Variants in AGBL4 observed in about 807,000 individuals in gnomAD.
The protein encoded by AGBL4 is AGBL carboxypeptidase 4, also known as cytosolic carboxypeptidase 6.
In AGBL4, 58 loss-of-function variants were observed where a neutral mutation model predicts 66.4. The ratio of observed to expected loss-of-function variants is 0.87; its 90% confidence interval spans 0.71 to 1.09. The LOEUF is 1.09. Ranked by LOEUF, AGBL4 falls within the 50% of genes least tolerant of loss-of-function variation. The pLI is 0.00. For missense variants in AGBL4, 579 were observed against 631.0 expected (o/e 0.92, Z 0.88); for synonymous variants, 234 against 222.9 (o/e 1.05, Z -0.44).
rs374021750 is a variant in AGBL4, at chr1:49,117,003, T to G, written c.378-71203A>C. Among the ~76,000 whole-genome samples, 22 of 152,194 alleles carry G rather than the reference T, an allele frequency of 1.4e-4. No homozygotes were observed. The East Asian group carries it at 2.3e-3, about 16-fold the overall frequency. On this transcript the variant is annotated intron_variant, in intron 4 of 13. Transcript: ENST00000371839. Reference sequence around the variant, plus strand: ...TGAGCATTTTTTCATGTGTCTGTTGTCTGCATAAATGTCTTCTTTTGAGAA... The same window carrying G: ...TGAGCATTTTTTCATGTGTCTGTTGGCTGCATAAATGTCTTCTTTTGAGAA...
chr1:49,574,501 C>G (rs1301359273), intron 3 of AGBL4, among the ~76,000 whole-genome samples: 1 of 152,134 alleles, frequency 6.6e-6, no homozygotes, highest in African/African-American at 2.4e-5. Flanking sequence ...CACTTTAGAC[C>G]TACTCATTCC....
At chr1:49,461,878 A>G (rs1215040332) in intron 3 of AGBL4, among the ~76,000 whole-genome samples, 1 of 151,748 alleles carries the variant, frequency 6.6e-6, no homozygotes, top group Non-Finnish European at 1.5e-5. Flanking sequence ...ATTGATGGGC[A>G]TTTGGGTTGG....
intron 3 of AGBL4, among the ~76,000 whole-genome samples, chr1:49,515,888 T>G: frequency 1.4e-5 from 1 of 73,264 alleles, no homozygotes; most frequent in Non-Finnish European, 2.5e-5. Context: ...GGGCCTGTTG[T>G]GGGGTGGGGG....
intron 2 of AGBL4, among the ~76,000 whole-genome samples, chr1:49,837,763 T>C (rs888328675): frequency 3.9e-5 from 6 of 152,196 alleles, no homozygotes; most frequent in African/African-American, 1.4e-4. Flanking sequence ...GAGAATGGCG[T>C]GAACCTGAGA....
chr1:49,384,387 C>T (rs777446040), intron 3 of AGBL4, among the ~76,000 whole-genome samples: 3 of 151,312 alleles, frequency 2.0e-5, no homozygotes, highest in Non-Finnish European at 4.4e-5. Context: ...AGGTCAGGAG[C>T]TCGAGACCAC....
At chr1:48,715,011 A>C (rs1304506970) in intron 6 of AGBL4, among the ~76,000 whole-genome samples, 1 of 152,258 alleles carries the variant, frequency 6.6e-6, no homozygotes, top group Non-Finnish European at 1.5e-5. Context: ...AGGAAAATAA[A>C]GCAAATAAAG....
At chr1:48,564,715 G>A (rs543971914) in intron 11 of AGBL4, among the ~76,000 whole-genome samples, 1 of 152,208 alleles carries the variant, frequency 6.6e-6, no homozygotes, top group African/African-American at 2.4e-5. Flanking sequence ...GCAGTGACAA[G>A]TGAGACAGTA....
chr1:49,530,274 A>AAAAAAAAAAAAAAAAAAAC (rs1553221141), intron 3 of AGBL4, among the ~76,000 whole-genome samples: 1 of 134,824 alleles, frequency 7.4e-6, no homozygotes, highest in Non-Finnish European at 1.5e-5. Context: ...AAAAAAAAAC[A>AAAAAAAAAAAAAAAAAAAC]AAAAAAAACT....
chr1:48,712,370 T>C (rs946706965), intron 6 of AGBL4, among the ~76,000 whole-genome samples: 1 of 152,166 alleles, frequency 6.6e-6, no homozygotes, highest in African/African-American at 2.4e-5. Flanking sequence ...TGCCCCACTC[T>C]TTGCTGCTTT....
intron 3 of AGBL4, among the ~76,000 whole-genome samples, chr1:49,285,387 T>G (rs1644380289): frequency 6.6e-6 from 1 of 151,620 alleles, no homozygotes; most frequent in Admixed American, 6.6e-5. Context: ...AGAGGGAAAT[T>G]TATAGCACTA....
intron 1 of AGBL4, among the ~76,000 whole-genome samples, chr1:49,992,443 TTAAA>T: frequency 6.6e-6 from 1 of 151,948 alleles, no homozygotes; most frequent in East Asian, 1.9e-4. Flanking sequence ...GCCTTCTCAT[TTAAA>T]TACTCAGGTT....
chr1:49,073,105 A>G (rs1013015335), intron 4 of AGBL4, among the ~76,000 whole-genome samples: 1 of 152,036 alleles, frequency 6.6e-6, no homozygotes, highest in African/African-American at 2.4e-5. Context: ...CGGGTCATTT[A>G]TGTTCTCCTC....
At chr1:48,597,692 G>GGAGAGGAGGGGAGGGGAGGA (rs1645014526) in intron 9 of AGBL4, among the ~76,000 whole-genome samples, 2 of 141,052 alleles carry the variant, frequency 1.4e-5, no homozygotes, top group Non-Finnish European at 3.1e-5. Context: ...AAAGGGGAGA[G>GGAGAGGAGGGGAGGGGAGGA]GAGAGGAGGG....
At chr1:49,043,769 T>C (rs962440243) in intron 5 of AGBL4, among the ~76,000 whole-genome samples, 24 of 152,314 alleles carry the variant, frequency 1.6e-4, no homozygotes, top group African/African-American at 5.5e-4. Context: ...TATGAAATCA[T>C]AGTGCACACA....
At position 48,935,746 on chromosome 1, in the gene AGBL4, C is replaced by A. The variant is rs867323847; in HGVS notation, c.595-68516G>T. Among the ~76,000 whole-genome samples, 20 of 150,678 alleles carry A rather than the reference C, an allele frequency of 1.3e-4. No individual in the cohort carries two copies. In the Middle Eastern group the frequency reaches 0.014, roughly 104 times the overall value. ...GCCTAGGTGGGCAGATCACTTGAGGCCAGGAGTTTGAGACCAGCCTGGCTA... is the reference window on the plus strand; with the variant it reads ...GCCTAGGTGGGCAGATCACTTGAGGACAGGAGTTTGAGACCAGCCTGGCTA... On this transcript the variant is annotated intron_variant, in intron 5 of 13. Coordinates refer to ENST00000371839, the MANE Select transcript of AGBL4 (RefSeq NM_032785.4).
intron 5 of AGBL4, among the ~76,000 whole-genome samples, chr1:48,887,520 A>G (rs980629598): frequency 2.6e-5 from 4 of 152,166 alleles, no homozygotes; most frequent in Admixed American, 6.5e-5. Flanking sequence ...TCCTAGCACA[A>G]CAACCCCATG....
At chr1:49,834,583 G>T (rs1451236970) in intron 2 of AGBL4, among the ~76,000 whole-genome samples, 1 of 152,040 alleles carries the variant, frequency 6.6e-6, no homozygotes, top group Non-Finnish European at 1.5e-5. Flanking sequence ...CTTCAGTTCT[G>T]CTCTGATCTT....
chr1:49,317,055 C>G (rs1362234741), intron 3 of AGBL4, among the ~76,000 whole-genome samples: 4 of 151,812 alleles, frequency 2.6e-5, no homozygotes, highest in Admixed American at 2.6e-4. Context: ...CTCTATATAT[C>G]TCTATCATCC....
chr1:49,879,684 T>A (rs1223182044), intron 1 of AGBL4, among the ~76,000 whole-genome samples: 1 of 138,104 alleles, frequency 7.2e-6, no homozygotes, highest in East Asian at 2.0e-4. Flanking sequence ...GTTCTCTGTA[T>A]TTCCTGAATC....
Sources: allele counts gnomAD v4.1 joint callset (sites outside exome capture counted in the v4.1 genomes callset), GRCh38; gene constraint gnomAD v4.1.1; transcripts MANE v1.5; gene names NCBI Gene and HGNC (gene_info 2026-07-23, HGNC 2026-07-21).